ZNF567: variants seen among roughly 807,000 people sequenced by gnomAD.
The protein encoded by ZNF567 is zinc finger protein 567.
In ZNF567, 36 loss-of-function variants were observed where a neutral mutation model predicts 53.9. The observed-to-expected ratio is 0.67, with a 90% CI of 0.51 to 0.88. The LOEUF (loss-of-function observed/expected upper bound fraction) is 0.88. Among genes scored for constraint, ZNF567 ranks in the 40% least tolerant of loss-of-function variants. The pLI, the probability that ZNF567 is intolerant of heterozygous loss-of-function variation, is 0.00. For synonymous variants in ZNF567, 224 were observed against 260.4 expected (o/e 0.86, Z 1.35); for missense variants, 619 against 764.7 (o/e 0.81, Z 2.25).
chr19:36,722,842 A>G (rs923890159), downstream of ZNF567, among the ~76,000 whole-genome samples: 1 of 152,180 alleles, frequency 6.6e-6, no homozygotes, highest in Non-Finnish European at 1.5e-5. Context: ...TAGACTTGAT[A>G]GTAGCACACA....
At chr19:36,675,770 G>T in the ZNF567 span, among the ~76,000 whole-genome samples, 838 of 152,186 alleles carry the variant, frequency 5.5e-3, 23 homozygotes, top group Admixed American at 0.037. Flanking sequence ...GATCAGTTGA[G>T]CCCAGCAGGT....
Position 36,694,314 on chromosome 19 carries a change from G to A in ZNF567, c.-66-488G>A, listed in dbSNP as rs368333343. Among the ~76,000 whole-genome samples, 231 of 152,264 alleles carry A rather than the reference G, an allele frequency of 1.5e-3. 6 individuals are homozygous for A. In the South Asian group the frequency reaches 0.035, roughly 23 times the overall value. ...AAATAAATGATGAGACCACAGATAA[G>A]AAGCTAAAAGCGTTCTTTAAACTTA... On this transcript the variant is annotated intron_variant, in intron 2 of 5. Coordinates refer to ENST00000682579, the MANE Select transcript of ZNF567 (RefSeq NM_001322917.1).
upstream of ZNF567, chr19:36,685,851 T>C (rs892001141): frequency 1.3e-5 from 2 of 152,266 alleles, no homozygotes; most frequent in Non-Finnish European, 2.9e-5. Flanking sequence ...GTGGTTCTTC[T>C]GCTGATCATA....
chr19:36,701,173 A>G (rs2039163453), intron 3 of ZNF567, among the ~76,000 whole-genome samples: 1 of 151,986 alleles, frequency 6.6e-6, no homozygotes, highest in Non-Finnish European at 1.5e-5. Flanking sequence ...CCTTCATTTC[A>G]TTATGTACCC....
intron 5 of ZNF567, among the ~76,000 whole-genome samples, chr19:36,716,299 T>A (rs940835789): frequency 1.3e-5 from 2 of 152,194 alleles, no homozygotes; most frequent in Admixed American, 1.3e-4. Context: ...TTCATTGTGT[T>A]GTGTTCTCCC....
At chr19:36,723,833 CAAAAAG>C (rs919378164), downstream of ZNF567, among the ~76,000 whole-genome samples, 7 of 151,708 alleles carry the variant, frequency 4.6e-5, no homozygotes, top group Non-Finnish European at 1.5e-5. Context: ...GACTGTGTCT[CAAAAAG>C]AAAATATAAT....
At chr19:36,708,540 G>A (rs759997514) in intron 3 of ZNF567, among the ~76,000 whole-genome samples, 1 of 152,054 alleles carries the variant, frequency 6.6e-6, no homozygotes, top group Non-Finnish European at 1.5e-5. Context: ...TGTGGGTTTT[G>A]ACAAATATAT....
At chr19:36,697,497 A>G (rs1294681877) in intron 3 of ZNF567, among the ~76,000 whole-genome samples, 5 of 152,124 alleles carry the variant, frequency 3.3e-5, no homozygotes, top group Admixed American at 6.6e-5. Flanking sequence ...AACCTTCAGT[A>G]CAATGTTGAG....
chr19:36,690,735 A>G (rs1233904875), intron 2 of ZNF567, among the ~76,000 whole-genome samples: 1 of 152,220 alleles, frequency 6.6e-6, no homozygotes, highest in African/African-American at 2.4e-5. Flanking sequence ...ATGATTGTTC[A>G]TTATGATGGT....
chr19:36,706,586 G>T (rs575111754), intron 3 of ZNF567, among the ~76,000 whole-genome samples: 7 of 149,734 alleles, frequency 4.7e-5, no homozygotes, highest in African/African-American at 1.7e-4. Flanking sequence ...GAGCCACTGT[G>T]CCTGGCCTAC....
At chr19:36,685,665 CA>C (rs1371634346), upstream of ZNF567, 2 of 152,140 alleles carry the variant, frequency 1.3e-5, no homozygotes, top group East Asian at 1.9e-4. Flanking sequence ...AATCACTTTA[CA>C]AAACAGGTTG....
intron 5 of ZNF567, among the ~76,000 whole-genome samples, chr19:36,718,188 A>G (rs1333183649): frequency 6.6e-6 from 1 of 152,064 alleles, no homozygotes; most frequent in Non-Finnish European, 1.5e-5. Flanking sequence ...ACAGTCATCT[A>G]GGGATGTGTG....
At chr19:36,673,830 G>A in the ZNF567 span, among the ~76,000 whole-genome samples, 2 of 152,008 alleles carry the variant, frequency 1.3e-5, no homozygotes, top group African/African-American at 4.8e-5. Flanking sequence ...TACCTTTCCC[G>A]GTAAACTGAT....
At chr19:36,696,006 A>G (rs753427973) in intron 3 of ZNF567, among the ~76,000 whole-genome samples, 1 of 152,210 alleles carries the variant, frequency 6.6e-6, no homozygotes, top group Non-Finnish European at 1.5e-5. Flanking sequence ...TTTCTTCTCT[A>G]CCTTCAGTTT....
chr19:36,676,721 A>T, the ZNF567 span, among the ~76,000 whole-genome samples: 1 of 152,196 alleles, frequency 6.6e-6, no homozygotes, highest in Non-Finnish European at 1.5e-5. Flanking sequence ...GTCAGAGCCT[A>T]GTCTTGCTAG....
At chr19:36,676,914 G>A in the ZNF567 span, among the ~76,000 whole-genome samples, 1 of 152,070 alleles carries the variant, frequency 6.6e-6, no homozygotes, top group African/African-American at 2.4e-5. Context: ...CCAGCACTTT[G>A]GGAGGCCGAG....
chr19:36,682,698 C>A (rs1240440424), upstream of ZNF567, among the ~76,000 whole-genome samples: 1 of 151,254 alleles, frequency 6.6e-6, no homozygotes, highest in Non-Finnish European at 1.5e-5. Flanking sequence ...AGCTCCACCT[C>A]CCAGGTTCAC....
the ZNF567 span, among the ~76,000 whole-genome samples, chr19:36,680,112 C>T: frequency 2.6e-5 from 4 of 152,012 alleles, no homozygotes; most frequent in Admixed American, 6.6e-5. Context: ...AATTATTGTA[C>T]AAATATATAC....
chr19:36,692,958 C>T (rs1236799001), intron 2 of ZNF567, among the ~76,000 whole-genome samples: 1 of 152,148 alleles, frequency 6.6e-6, no homozygotes, highest in Non-Finnish European at 1.5e-5. Context: ...ATACCTGCCC[C>T]TGTGAGCCAC....
Sources: allele counts gnomAD v4.1 joint callset (sites outside exome capture counted in the v4.1 genomes callset), GRCh38; gene constraint gnomAD v4.1.1; transcripts MANE v1.5; gene names NCBI Gene and HGNC (gene_info 2026-07-23, HGNC 2026-07-21).